The following CNGB1 variants were observed in gnomAD, a reference collection of about 807,000 sequenced individuals.
CNGB1 encodes cyclic nucleotide-gated channel beta-1.
CNGB1 carries 126 observed loss-of-function variants against 151.7 expected under a neutral mutation model. That is an observed-to-expected ratio of 0.83 (90% CI 0.72 to 0.96). CNGB1 has a LOEUF of 0.96. Ranked by LOEUF, CNGB1 falls within the 40% of genes least tolerant of loss-of-function variation. The pLI, the probability that CNGB1 is intolerant of heterozygous loss-of-function variation, is 0.00. For missense variants in CNGB1, 1,698 were observed against 1,627.0 expected (o/e 1.04, Z -0.75); for synonymous variants, 623 against 635.1 (o/e 0.98, Z 0.29).
intron 16 of CNGB1, among the ~76,000 whole-genome samples, chr16:57,938,845 C>T (rs1002125237): frequency 3.3e-5 from 5 of 152,254 alleles, no homozygotes; most frequent in African/African-American, 9.6e-5. Context: ...ACTCTTTCTC[C>T]GCCATTGCTT....
At chr16:57,965,306 T>G (rs1962364586) in intron 2 of CNGB1, among the ~76,000 whole-genome samples, 1 of 152,158 alleles carries the variant, frequency 6.6e-6, no homozygotes, top group Non-Finnish European at 1.5e-5. Context: ...TATACATGTG[T>G]ATGTACATAT....
chr16:57,887,249 G>A (rs780910771), intron 32 of CNGB1, among the ~76,000 whole-genome samples: 4 of 152,064 alleles, frequency 2.6e-5, no homozygotes, highest in Non-Finnish European at 5.9e-5. Context: ...TCTGGGGCCG[G>A]ACATTTGCTT....
At chr16:57,962,446 C>T (rs561927228) in intron 7 of CNGB1, 119 bp downstream of exon 7, 20 of 877,852 alleles carry the variant, frequency 2.3e-5, no homozygotes, top group East Asian at 1.4e-4. Flanking sequence ...CCAGAAGAGA[C>T]GGGAGGCATG....
rs1017948980 is a variant in CNGB1, at chr16:57,935,378, G to A, written c.1373-3500C>T. ...GAATCCACTGAAAGAAAAATAGTAA[G>A]CAAATAAAATTAGAATTGAGGCCGG... On this transcript the variant is annotated intron_variant, in intron 16 of 32. Coordinates refer to ENST00000251102, the MANE Select transcript of CNGB1 (RefSeq NM_001297.5). Among the ~76,000 whole-genome samples, 6 of 152,234 alleles carry A rather than the reference G, an allele frequency of 3.9e-5. No individual in the cohort carries two copies. In the South Asian group the frequency reaches 1.0e-3, roughly 26 times the overall value.
In CNGB1 at chr16:57,958,491, G is replaced by A; in HGVS notation, c.762-6C>T. ...GCAGGACCCATGCCACCAGCCTGCA[G>A]GTGGGAGAGAGTGTGCGGTGTCCAG... On this transcript the variant is annotated splice_region_variant and splice_polypyrimidine_tract_variant and intron_variant, in intron 10 of 32. Coordinates refer to ENST00000251102, the MANE Select transcript of CNGB1 (RefSeq NM_001297.5). The A allele has an allele frequency of 6.2e-7, 1 of 1,613,610 alleles. No homozygotes were observed. Among genetic ancestry groups the A allele is most frequent in the Non-Finnish European group, 8.5e-7 (1 of 1,179,636 alleles).
chr16:57,966,035 T>G (rs1962391785), intron 2 of CNGB1, among the ~76,000 whole-genome samples: 1 of 152,166 alleles, frequency 6.6e-6, no homozygotes, highest in Non-Finnish European at 1.5e-5. Flanking sequence ...GTAACAGCCT[T>G]TCCTCTGCCA....
At chr16:57,914,081 A>C (rs1206805434) in intron 23 of CNGB1, among the ~76,000 whole-genome samples, 1 of 152,230 alleles carries the variant, frequency 6.6e-6, no homozygotes, top group East Asian at 1.9e-4. Flanking sequence ...TTCCAGCCAC[A>C]GTTTAAACTG....
rs1363530847 is a variant in CNGB1 at position 57,958,485 on chromosome 16, C to A, written c.762G>T (p.Arg254Ser). ...SSLPPTRDPA[R>S]LVAWVLHRLE... ...GCCTGTGCAGGACCCATGCCACCAG[C>A]CTGCAGGTGGGAGAGAGTGTGCGGT... Residue 254 changes from arginine to serine, a missense_variant and splice_region_variant, in exon 11 of 33, where the codon AGG becomes AGT. Transcript: ENST00000251102. 4.3e-6 allele frequency: 7 copies of A among 1,613,996 alleles called. No individual in the cohort carries two copies. In the Middle Eastern group the frequency reaches 8.2e-4, roughly 190 times the overall value.
intron 14 of CNGB1, among the ~76,000 whole-genome samples, chr16:57,947,733 T>C (rs1359574573): frequency 6.6e-6 from 1 of 152,136 alleles, no homozygotes; most frequent in African/African-American, 2.4e-5. Context: ...TGAAATCCTG[T>C]TTAACTATTT....
At position 57,882,342 on chromosome 16, in the gene CNGB1, A is replaced by T. The variant is rs1199245689; in HGVS notation, c.*1822T>A. The T allele has an allele frequency of 6.6e-6, 1 of 151,834 alleles. No homozygotes were observed. Among genetic ancestry groups the T allele is most frequent in the Non-Finnish European group, 1.5e-5 (1 of 67,958 alleles). The allele number at this position is 151,834 out of a possible 1,614,324, so 9.4% of individuals were successfully genotyped here. A position where few individuals can be genotyped will look rare whatever the true frequency, so the allele number is the denominator to read the frequency against. On this transcript the variant is annotated 3_prime_UTR_variant, in exon 33 of 33. Transcript: ENST00000251102. The stretch of plus-strand genomic sequence containing the variant: ...TTTTTAAAGCTTTTTTTTTTAAAAA[A>T]AAAATAGGGTAAAATAATAAGGTCA...
intron 18 of CNGB1, chr16:57,923,028 C>T: frequency 2.5e-6 from 1 of 404,398 alleles, no homozygotes; most frequent in Non-Finnish European, 4.7e-6. Context: ...AGAGATCCCT[C>T]CCTCTCTGAG....
intron 16 of CNGB1, among the ~76,000 whole-genome samples, chr16:57,935,001 G>A (rs1168657432): frequency 8.9e-5 from 13 of 146,430 alleles, no homozygotes; most frequent in African/African-American, 2.0e-4. Flanking sequence ...AGCCAAGATC[G>A]CGCCACTGCA....
In CNGB1 at chr16:57,960,398, G is replaced by A. The variant is rs554088348; in HGVS notation, c.583+84C>T. 26 of 1,525,074 alleles carry A rather than the reference G, an allele frequency of 1.7e-5. 1 individual carries two copies. The South Asian group carries it at 3.0e-4, about 18-fold the overall frequency. 94.5% of individuals were successfully genotyped at this position (1,525,074 alleles called of 1,614,324 possible). On this transcript the variant is annotated intron_variant, in intron 9 of 32. Coordinates refer to ENST00000251102, the MANE Select transcript of CNGB1 (RefSeq NM_001297.5). ...TCTGGGTGGGGGCTAAGGGCCTCTG[G>A]GGGATCCTCCAGGGCCCAGTTGATC...
At chr16:57,917,001 A>G (rs1194335646) in intron 21 of CNGB1, among the ~76,000 whole-genome samples, 1 of 152,182 alleles carries the variant, frequency 6.6e-6, no homozygotes, top group Non-Finnish European at 1.5e-5. Flanking sequence ...ACTAAAGACC[A>G]TTCCCTGGAC....
At position 57,931,769 on chromosome 16, in the gene CNGB1, A is replaced by G. The variant is rs769840807; in HGVS notation, c.1482T>C (p.Ser494=). 29 of 1,614,178 alleles carry G rather than the reference A, an allele frequency of 1.8e-5. No individual in the cohort carries two copies. Among genetic ancestry groups the G allele is most frequent in the Admixed American group, 3.3e-5 (2 of 60,024 alleles). ...CTATAAGGGTGTCTGATTTGGCAGG[A>G]GACGGTGGCGGCAACACGGTTGAGG... The part of the protein sequence containing the change: ...NPPSTVLPPP[S]PAKSDTLIVP... Residue 494 remains serine (S), a synonymous_variant, in exon 17 of 33, where the codon TCT becomes TCC. Transcript: ENST00000251102.
chr16:57,953,591 G>C (rs1326642238), intron 12 of CNGB1, among the ~76,000 whole-genome samples: 1 of 151,790 alleles, frequency 6.6e-6, no homozygotes, highest in Non-Finnish European at 1.5e-5. Flanking sequence ...TGAATTCTAG[G>C]CTAAGGTCCC....
intron 4 of CNGB1, 39 bp from the exon 5 acceptor site, chr16:57,963,103 C>T: frequency 6.6e-7 from 1 of 1,519,126 alleles, no homozygotes; most frequent in Non-Finnish European, 9.1e-7. Flanking sequence ...CTCAACTTCC[C>T]CTAGCTCAAT....
In CNGB1 at chr16:57,884,422, G is replaced by A. The variant is rs749621708; in HGVS notation, c.3498C>T (p.Gly1166=). The A allele has an allele frequency of 1.2e-6, 2 of 1,613,528 alleles. No homozygotes were observed. Among genetic ancestry groups the A allele is most frequent in the Non-Finnish European group, 1.7e-6 (2 of 1,179,916 alleles). The part of the protein sequence containing the change: ...KSSQDVKGEE[G]SAAPDQHTHP... ...GCGTGTGCTGGTCTGGGGCGGCGGA[G>A]CCTTCCTCTCCCTTGACGTCTTGCG... is the stretch of plus-strand genomic sequence containing the variant. Residue 1166 remains glycine, a synonymous_variant, in exon 33 of 33, where the codon GGC becomes GGT. Transcript: ENST00000251102.
intron 12 of CNGB1, among the ~76,000 whole-genome samples, chr16:57,955,605 C>T (rs558552530): frequency 3.2e-4 from 48 of 152,266 alleles, no homozygotes; most frequent in African/African-American, 1.1e-3. Flanking sequence ...AGCTTCTTTG[C>T]AGGTGTGATT....
Sources: allele counts gnomAD v4.1 joint callset (sites outside exome capture counted in the v4.1 genomes callset), GRCh38; gene constraint gnomAD v4.1.1; transcripts MANE v1.5; gene names NCBI Gene and HGNC (gene_info 2026-07-23, HGNC 2026-07-21).